PPP1R12A: variants seen among roughly 807,000 people sequenced by gnomAD.
The protein encoded by PPP1R12A is myosin binding subunit.
PPP1R12A carries 19 observed loss-of-function variants against 139.6 expected under a neutral mutation model. The observed-to-expected ratio is 0.14, with a 90% CI of 0.09 to 0.20. The LOEUF is 0.20. Among genes scored for constraint, PPP1R12A ranks in the 10% least tolerant of loss-of-function variants. PPP1R12A has a pLI of 1.00. For missense variants in PPP1R12A, 925 were observed against 1,211.5 expected (o/e 0.76, Z 3.51); for synonymous variants, 427 against 420.6 (o/e 1.02, Z -0.19).
At chr12:79,804,820 G>A (rs376364537) in intron 14 of PPP1R12A, among the ~76,000 whole-genome samples, 16 of 151,988 alleles carry the variant, frequency 1.1e-4, no homozygotes, top group African/African-American at 3.9e-4. Context: ...CTTGGGGCTA[G>A]CCTCAGCCCT....
chr12:79,892,596 T>C (rs1051344265), intron 1 of PPP1R12A, among the ~76,000 whole-genome samples: 1 of 152,180 alleles, frequency 6.6e-6, no homozygotes, highest in Non-Finnish European at 1.5e-5. Context: ...GCTAGTACTT[T>C]TATATTTAAA....
chr12:79,798,589 A>G lies in PPP1R12A; in HGVS notation c.2001-5T>C. On this transcript the variant is annotated splice_polypyrimidine_tract_variant and splice_region_variant and intron_variant, in intron 14 of 24. Coordinates refer to ENST00000450142, the MANE Select transcript of PPP1R12A (RefSeq NM_002480.3). ...CTAACAGGAGTGAGGTATGATCTAC[A>G]GTAGTAAATTGAAAAATCGTTAGTT... is the stretch of plus-strand genomic sequence containing the variant. The G allele has an allele frequency of 6.6e-7, 1 of 1,514,964 alleles. No homozygotes were observed. The highest frequency in any genetic ancestry group is 8.9e-7 in the Non-Finnish European group (1 of 1,118,034). The allele number at this position is 1,514,964 out of a possible 1,614,324, so 93.8% of individuals were successfully genotyped here. A position where few individuals can be genotyped will look rare whatever the true frequency, so the allele number is the denominator to read the frequency against.
intron 5 of PPP1R12A, chr12:79,823,861 T>C (rs1463024867): frequency 6.6e-6 from 1 of 152,350 alleles, no homozygotes; most frequent in African/African-American, 2.4e-5. Flanking sequence ...AGTGCTGGGA[T>C]TATAGGTATG....
intron 8 of PPP1R12A, among the ~76,000 whole-genome samples, chr12:79,820,056 A>G (rs1293597980): frequency 6.6e-6 from 1 of 152,178 alleles, no homozygotes; most frequent in Non-Finnish European, 1.5e-5. Flanking sequence ...AAACAATATT[A>G]TAATTGTTAT....
chr12:79,900,728 G>T (rs948087447), intron 1 of PPP1R12A, among the ~76,000 whole-genome samples: 1 of 152,072 alleles, frequency 6.6e-6, no homozygotes, highest in Non-Finnish European at 1.5e-5. Flanking sequence ...AGAGGAGAAG[G>T]CTCCTAAATA....
chr12:79,818,521 G>C (rs2137104471), intron 8 of PPP1R12A, among the ~76,000 whole-genome samples: 1 of 152,228 alleles, frequency 6.6e-6, no homozygotes, highest in Non-Finnish European at 1.5e-5. Context: ...GAGATTACTA[G>C]CATGATCCAC....
Position 79,902,901 on chromosome 12 carries a change from C to G in PPP1R12A, c.238-29963G>C, listed in dbSNP as rs556463426. ...CAACATATAATTTATACAGGATCCT[C>G]CTCTCTTTAGATGCAATTATCATTC... On this transcript the variant is annotated intron_variant, in intron 1 of 24. Coordinates refer to ENST00000450142, the MANE Select transcript of PPP1R12A (RefSeq NM_002480.3). 3.3e-5 allele frequency among the ~76,000 whole-genome samples: 5 copies of G among 152,158 alleles called. 1 individual carries two copies. In the South Asian group the frequency reaches 1.0e-3, roughly 32 times the overall value.
At chr12:79,807,126 C>T (rs1592644129) in intron 12 of PPP1R12A, 100 bp downstream of exon 12, 5 of 625,214 alleles carry the variant, frequency 8.0e-6, no homozygotes, top group East Asian at 3.1e-5. Flanking sequence ...AATAAAAACA[C>T]ATATTTGTTT....
chr12:79,867,530 GAA>G (rs34071275), intron 2 of PPP1R12A, among the ~76,000 whole-genome samples: 2,186 of 149,676 alleles, frequency 0.015, 49 homozygotes, highest in East Asian at 0.066. Flanking sequence ...ACTTAAACTA[GAA>G]AAAAAAAAAT....
In PPP1R12A at chr12:79,817,504, G is replaced by A. The variant is rs760817546; in HGVS notation, c.1129C>T (p.Leu377=). 3 of 1,590,804 alleles carry A rather than the reference G, an allele frequency of 1.9e-6. No individual in the cohort carries two copies. In the East Asian group the frequency reaches 6.8e-5, roughly 36 times the overall value. Residue 377 remains leucine (L), a synonymous_variant, in exon 9 of 25, where the codon CTG becomes TTG. Coordinates refer to ENST00000450142, the MANE Select transcript of PPP1R12A (RefSeq NM_002480.3). ...SEAETDKTKP[L]ASVTNANTSS... is the part of the protein sequence containing the mutation. The stretch of plus-strand genomic sequence containing the variant: ...GTGTTGGCATTAGTTACAGAAGCCA[G>A]GGGTTTTGTCTTATCTATTAAAGAC...
chr12:79,864,921 C>T (rs1881796469), intron 2 of PPP1R12A, among the ~76,000 whole-genome samples: 3 of 152,200 alleles, frequency 2.0e-5, no homozygotes, highest in South Asian at 4.1e-4. Context: ...CCTTCTGAAA[C>T]TATTCTGATC....
intron 24 of PPP1R12A, among the ~76,000 whole-genome samples, chr12:79,776,844 C>A (rs1475055564): frequency 6.6e-6 from 1 of 152,036 alleles, no homozygotes; most frequent in Non-Finnish European, 1.5e-5. Context: ...TATTTTTGGT[C>A]CCTAAACCAT....
At chr12:79,911,610 T>A (rs907216069) in intron 1 of PPP1R12A, among the ~76,000 whole-genome samples, 2 of 152,186 alleles carry the variant, frequency 1.3e-5, no homozygotes, top group Non-Finnish European at 2.9e-5. Flanking sequence ...AGGTTTTTTT[T>A]TAAGACTTAA....
chr12:79,804,742 A>C (rs1873613233), intron 14 of PPP1R12A, among the ~76,000 whole-genome samples: 1 of 151,946 alleles, frequency 6.6e-6, no homozygotes, highest in Non-Finnish European at 1.5e-5. Context: ...ATTTTTTTTC[A>C]AGAGGAAAAA....
intron 1 of PPP1R12A, among the ~76,000 whole-genome samples, chr12:79,925,797 T>C (rs1184823991): frequency 1.3e-5 from 2 of 152,012 alleles, no homozygotes; most frequent in South Asian, 2.1e-4. Context: ...ACTAATAAGG[T>C]CAGAAAATAC....
At chr12:79,779,885 A>C (rs908507902) in intron 23 of PPP1R12A, 1 of 156,076 alleles carries the variant, frequency 6.4e-6, no homozygotes, top group African/African-American at 2.4e-5. Context: ...GAAATTTCTT[A>C]TGTTTGACAA....
intron 5 of PPP1R12A, 31 bp from the exon 6 acceptor site, chr12:79,822,221 G>A (rs1456801842): frequency 2.4e-5 from 34 of 1,420,300 alleles, no homozygotes; most frequent in Non-Finnish European, 3.2e-5. Context: ...GATGGTGATG[G>A]TCAAAAGTCA....
At chr12:79,843,850 G>A (rs895982222) in intron 3 of PPP1R12A, among the ~76,000 whole-genome samples, 11 of 151,164 alleles carry the variant, frequency 7.3e-5, no homozygotes, top group Non-Finnish European at 1.2e-4. Context: ...GATTACAGGC[G>A]CCCACCACCA....
At chr12:79,861,601 C>T (rs1236167911) in intron 2 of PPP1R12A, among the ~76,000 whole-genome samples, 2 of 152,132 alleles carry the variant, frequency 1.3e-5, no homozygotes, top group South Asian at 2.1e-4. Context: ...GCAGTATACT[C>T]CTGCCCAAAT....
Sources: allele counts gnomAD v4.1 joint callset (sites outside exome capture counted in the v4.1 genomes callset), GRCh38; gene constraint gnomAD v4.1.1; transcripts MANE v1.5; gene names NCBI Gene and HGNC (gene_info 2026-07-23, HGNC 2026-07-21).